Variants in CC2D1A observed in about 807,000 individuals in gnomAD.
The protein encoded by CC2D1A is coiled-coil and C2 domain containing 1A.
Under a neutral mutation model 123.8 loss-of-function variants are expected in CC2D1A, and 68 were observed. The ratio of observed to expected loss-of-function variants is 0.55; its 90% CI spans 0.45 to 0.67. The LOEUF (loss-of-function observed/expected upper bound fraction) is 0.67. CC2D1A is among the 30% of genes least tolerant of loss of function. The pLI is 0.00. For synonymous variants in CC2D1A, 477 were observed against 528.0 expected (o/e 0.90, Z 1.32); for missense variants, 1,185 against 1,290.3 (o/e 0.92, Z 1.25).
At chr19:13,913,089 C>T (rs774744007) in intron 4 of CC2D1A, 79 bp from the exon 5 acceptor site, 157 of 1,418,368 alleles carry the variant, frequency 1.1e-4, no homozygotes, top group Non-Finnish European at 1.4e-4. Context: ...GACATGGGGC[C>T]GACTGTTACT....
intron 17 of CC2D1A, among the ~76,000 whole-genome samples, chr19:13,926,019 T>A (rs1465665970): frequency 9.8e-6 from 1 of 102,094 alleles, no homozygotes; most frequent in Non-Finnish European, 1.7e-5. Context: ...TATATACGTA[T>A]ATATATGTGT....
At chr19:13,911,786 G>A (rs897491397) in intron 2 of CC2D1A, among the ~76,000 whole-genome samples, 2 of 146,988 alleles carry the variant, frequency 1.4e-5, no homozygotes, top group African/African-American at 5.2e-5. Flanking sequence ...CGCGATCTTG[G>A]CTCACCGCAA....
chr19:13,920,877 T>C lies in CC2D1A; in HGVS notation c.1596T>C (p.Pro532=). The change falls in exon 14 of 29, where the codon CCT becomes CCC. Residue 532 remains proline (P), a synonymous_variant. Transcript: ENST00000318003. ...MHLRQAKGLE[P]MLEASRNGLP... ...TGCGCCAAGCCAAGGGACTGGAGCCTATGCTGGAGGCCTCGCGCAATGGGC... is the reference window on the plus strand; with the variant it reads ...TGCGCCAAGCCAAGGGACTGGAGCCCATGCTGGAGGCCTCGCGCAATGGGC... The C allele has an allele frequency of 6.2e-7, 1 of 1,614,048 alleles. No individual in the cohort carries two copies. Among genetic ancestry groups the C allele is most frequent in the Non-Finnish European group, 8.5e-7 (1 of 1,180,010 alleles).
At chr19:13,912,007 G>A (rs1178372099) in intron 2 of CC2D1A, among the ~76,000 whole-genome samples, 1 of 152,164 alleles carries the variant, frequency 6.6e-6, no homozygotes, top group East Asian at 1.9e-4. Flanking sequence ...GAGCCACTGC[G>A]CCCAGCCTAA....
chr19:13,929,484 G>T, intron 25 of CC2D1A, 42 bp downstream of exon 25: 1 of 1,612,774 alleles, frequency 6.2e-7, no homozygotes, highest in South Asian at 1.1e-5. Flanking sequence ...CAGGACTGGG[G>T]AGTCTGCAGG....
At chr19:13,916,610 A>G (rs79428376) in intron 6 of CC2D1A, among the ~76,000 whole-genome samples, 9,955 of 152,226 alleles carry the variant, frequency 0.065, 426 homozygotes, top group Non-Finnish European at 0.1. Flanking sequence ...GTTTTGCTCA[A>G]TTACATGCTA....
Position 13,926,393 on chromosome 19 carries a change from C to G in CC2D1A, c.1941-124C>G, listed in dbSNP as rs189834353. On this transcript the variant is annotated intron_variant, in intron 17 of 28. Coordinates refer to ENST00000318003, the MANE Select transcript of CC2D1A (RefSeq NM_017721.5). ...TAAAATGAGCCCAGGAGCTGAGACA[C>G]CCCCGAAGGCCAGGGTGGGGTTTGT... 34 of 752,764 alleles carry G rather than the reference C, an allele frequency of 4.5e-5. No individual in the cohort carries two copies. In the Admixed American group the frequency reaches 7.7e-4, roughly 17 times the overall value. The allele number at this position is 752,764 out of a possible 1,614,324, so 46.6% of individuals were successfully genotyped here.
chr19:13,925,928 AAAAAAATAT>A (rs1484810223), intron 17 of CC2D1A, among the ~76,000 whole-genome samples: 1 of 105,694 alleles, frequency 9.5e-6, no homozygotes, highest in African/African-American at 4.3e-5. Flanking sequence ...TAAAAAAAAA[AAAAAAATAT>A]ATATATATAT....
rs1164077057 is a variant in CC2D1A, at chr19:13,930,041, C to T, written c.2711-37C>T. 1.3e-6 allele frequency: 2 copies of T among 1,598,734 alleles called. No individual in the cohort carries two copies. The highest frequency in any genetic ancestry group is 2.7e-5 in the African/African-American group (2 of 74,504). ...AGGAGGGTTGTGGGCAGTGAGGCCC[C>T]ACCCTAAGCCTCCATTCCCCCGCCA... On this transcript the variant is annotated intron_variant, in intron 26 of 28. Coordinates refer to ENST00000318003, the MANE Select transcript of CC2D1A (RefSeq NM_017721.5). This position sits in a 1 kb window ranked among gnomAD's most constrained non-coding sequence, Gnocchi z 6.8.
chr19:13,930,417 C>A lies in CC2D1A; in HGVS notation c.*22C>A. On this transcript the variant is annotated 3_prime_UTR_variant, in exon 29 of 29. Coordinates refer to ENST00000318003, the MANE Select transcript of CC2D1A (RefSeq NM_017721.5). The surrounding 1 kb of genome is among the most constrained non-coding windows in gnomAD (Gnocchi z 6.8). ...GTGAGGAGCCCATGGGGCGGGCAGC[C>A]CCCAGAAAGCGGGCAGCAGGCCCCG... The A allele has an allele frequency of 6.3e-6, 10 of 1,593,050 alleles. No homozygotes were observed. The highest frequency in any genetic ancestry group is 8.5e-6 in the Non-Finnish European group (10 of 1,170,150).
chr19:13,925,668 A>G (rs147631928), intron 17 of CC2D1A, among the ~76,000 whole-genome samples: 3 of 151,734 alleles, frequency 2.0e-5, no homozygotes, highest in African/African-American at 7.3e-5. Context: ...ATATTAAGTG[A>G]GGCCAGGCTG....
At position 13,927,979 on chromosome 19, in the gene CC2D1A, G is replaced by A. The variant is rs372890495; in HGVS notation, c.2403G>A (p.Thr801=). 8.7e-6 allele frequency: 14 copies of A among 1,613,658 alleles called. No individual in the cohort carries two copies. The African/African-American group carries it at 1.1e-4, about 12-fold the overall frequency. ...CACTGACAGCCCAGCAGTTGGAGAC[G>A]ACGACAGAGAGGTGGCTGGTCATTG... ...REPLTAQQLE[T]TTERWLVIDP... Residue 801 remains threonine, a synonymous_variant, in exon 23 of 29, where the codon ACG becomes ACA. Coordinates refer to ENST00000318003, the MANE Select transcript of CC2D1A (RefSeq NM_017721.5).
intron 1 of CC2D1A, among the ~76,000 whole-genome samples, chr19:13,909,398 A>AC (rs1199964545): frequency 6.7e-6 from 1 of 149,896 alleles, no homozygotes; most frequent in African/African-American, 2.5e-5. Context: ...AAAACAAAAA[A>AC]CTTTTTTTTT....
chr19:13,925,788 C>T (rs1165759958), intron 17 of CC2D1A, among the ~76,000 whole-genome samples: 4 of 149,406 alleles, frequency 2.7e-5, no homozygotes, highest in Non-Finnish European at 4.4e-5. Flanking sequence ...GCAGTGGTGG[C>T]GGGCAGCTGT....
At chr19:13,917,782 C>T (rs148563588) in intron 6 of CC2D1A, among the ~76,000 whole-genome samples, 2 of 152,240 alleles carry the variant, frequency 1.3e-5, no homozygotes, top group Non-Finnish European at 2.9e-5. Context: ...ACTTTGAGAC[C>T]AGCCTGGCCA....
intron 12 of CC2D1A, 170 bp downstream of exon 12, chr19:13,920,121 C>T (rs1971358389): frequency 4.9e-6 from 3 of 608,416 alleles, no homozygotes; most frequent in Admixed American, 6.0e-5. Flanking sequence ...CATGGTGGGA[C>T]TCACCTGTAG....
Position 13,918,950 on chromosome 19 carries a change from G to C in CC2D1A, c.1057G>C (p.Glu353Gln), listed in dbSNP as rs1186590850. Residue 353 changes from glutamate to glutamine, a missense_variant, in exon 10 of 29, where the codon GAG becomes CAG. Coordinates refer to ENST00000318003, the MANE Select transcript of CC2D1A (RefSeq NM_017721.5). ...CCCGAGGACCCTGCTGGAGGCGCTG[G>C]AGCAGCGGATGGAGCGGTACCAGGT... ...PPPRTLLEAL[E>Q]QRMERYQVAA... The C allele has an allele frequency of 5.6e-6, 9 of 1,611,054 alleles. No homozygotes were observed. The highest frequency in any genetic ancestry group is 7.6e-6 in the Non-Finnish European group (9 of 1,178,570).
Position 13,918,966 on chromosome 19 carries a change from G to A in CC2D1A, c.1073G>A (p.Arg358Gln), listed in dbSNP as rs761937379. The change falls in exon 10 of 29, where the codon CGG (arginine) becomes CAG (glutamine). Residue 358 changes from arginine (R) to glutamine (Q), a missense_variant. Arg to Gln is a conservative substitution (Grantham distance 43). Transcript: ENST00000318003. ...LLEALEQRME[R>Q]YQVAAAQAKS... is the part of the protein sequence containing the mutation. ...GAGGCGCTGGAGCAGCGGATGGAGCGGTACCAGGTGGCCGCAGCCCAGGCC... is the reference window on the plus strand; with the variant it reads ...GAGGCGCTGGAGCAGCGGATGGAGCAGTACCAGGTGGCCGCAGCCCAGGCC... 3.1e-6 allele frequency: 5 copies of A among 1,610,124 alleles called. No individual in the cohort carries two copies. The East Asian group carries it at 6.7e-5, about 22-fold the overall frequency.
rs746836125 is a variant in CC2D1A, at chr19:13,926,587, C to T, written c.2011C>T (p.Pro671Ser). Residue 671 changes from proline (P) to serine (S), a missense_variant, in exon 18 of 29, where the codon CCA becomes TCA. Coordinates refer to ENST00000318003, the MANE Select transcript of CC2D1A (RefSeq NM_017721.5). ...IVKGINLPTP[P>S]GLSPGDLDVF... ...GAAGGGCATCAACTTGCCCACACCC[C>T]CAGGTGAGGGGGCTGTAGGCAAGGG... 3.7e-6 allele frequency: 6 copies of T among 1,614,010 alleles called. No individual in the cohort carries two copies. In the East Asian group the frequency reaches 6.7e-5, roughly 18 times the overall value.
Sources: allele counts gnomAD v4.1 joint callset (sites outside exome capture counted in the v4.1 genomes callset), GRCh38; gene constraint gnomAD v4.1.1; non-coding constraint Gnocchi (gnomAD v3.1); transcripts MANE v1.5; gene names NCBI Gene and HGNC (gene_info 2026-07-23, HGNC 2026-07-21).